TDP1: variants seen among roughly 807,000 people sequenced by gnomAD.
TDP1 encodes tyrosyl-DNA phosphodiesterase 1, also known as tyr-DNA phosphodiesterase 1.
A neutral mutation model predicts 81.5 loss-of-function variants in TDP1; 64 were observed. The observed-to-expected ratio is 0.79, with a 90% CI of 0.64 to 0.97. TDP1 has a LOEUF of 0.97. TDP1 is among the 50% of genes least tolerant of loss of function. The pLI is 0.00. For missense variants in TDP1, 723 were observed against 743.8 expected (o/e 0.97, Z 0.33); for synonymous variants, 256 against 264.3 (o/e 0.97, Z 0.30).
rs962338975 is a variant in TDP1 at position 89,993,392 on chromosome 14, A to T, written c.1450A>T (p.Thr484Ser). Residue 484 changes from threonine to serine, a missense_variant, in exon 14 of 17, where the codon ACT (threonine) becomes TCT (serine). Transcript: ENST00000335725. Reference sequence around the variant, plus strand: ...TGTCACTAGCAAATGGTCAGCTGAGACTTCTGGCCGCAGCAATGCCATGCC... The same window carrying T: ...TGTCACTAGCAAATGGTCAGCTGAGTCTTCTGGCCGCAGCAATGCCATGCC... ...HSYFHKWSAE[T>S]SGRSNAMPHI... 6.2e-7 allele frequency: 1 copy of T among 1,613,500 alleles called. No individual in the cohort carries two copies. Among genetic ancestry groups the T allele is most frequent in the African/African-American group, 1.3e-5 (1 of 74,888 alleles).
At chr14:90,000,034 C>CTTGGGA (rs1897054813) in intron 14 of TDP1, among the ~76,000 whole-genome samples, 1 of 152,298 alleles carries the variant, frequency 6.6e-6, no homozygotes, top group East Asian at 1.9e-4. Flanking sequence ...GTCAACCCAG[C>CTTGGGA]TGTGCTCTCA....
At chr14:89,991,780 A>G in intron 12 of TDP1, 137 bp from the exon 13 acceptor site, 2 of 1,212,138 alleles carry the variant, frequency 1.6e-6, no homozygotes, top group Non-Finnish European at 2.2e-6. Context: ...TCTTTCAAAT[A>G]ACTATTCTAT....
At chr14:90,022,080 C>A (rs1197261382) in intron 15 of TDP1, among the ~76,000 whole-genome samples, 1 of 152,184 alleles carries the variant, frequency 6.6e-6, no homozygotes, top group African/African-American at 2.4e-5. Context: ...TTTACCCTTC[C>A]CCTCCCAGGG....
intron 15 of TDP1, among the ~76,000 whole-genome samples, chr14:90,021,669 T>C (rs1030270274): frequency 7.2e-5 from 11 of 152,238 alleles, no homozygotes; most frequent in African/African-American, 2.4e-4. Context: ...AGGGGGGCTC[T>C]TCTATATTTT....
intron 14 of TDP1, among the ~76,000 whole-genome samples, chr14:90,016,472 A>G (rs1016377549): frequency 6.6e-6 from 1 of 152,128 alleles, no homozygotes; most frequent in Non-Finnish European, 1.5e-5. Flanking sequence ...TTTTTCTGTG[A>G]TGAAGGCCCT....
chr14:89,965,494 G>T (rs1180725006), intron 3 of TDP1, among the ~76,000 whole-genome samples: 1 of 152,164 alleles, frequency 6.6e-6, no homozygotes, highest in Non-Finnish European at 1.5e-5. Flanking sequence ...CATCTAACAG[G>T]TCTCCACAGA....
At chr14:89,977,330 C>T (rs970242702) in intron 7 of TDP1, among the ~76,000 whole-genome samples, 10 of 152,110 alleles carry the variant, frequency 6.6e-5, no homozygotes, top group African/African-American at 1.9e-4. Context: ...GACAGTCTCG[C>T]TCTGTTGCCC....
chr14:90,020,297 G>C (rs573605046), intron 15 of TDP1, among the ~76,000 whole-genome samples: 10 of 149,188 alleles, frequency 6.7e-5, no homozygotes, highest in South Asian at 4.2e-4. Flanking sequence ...CACACACACA[G>C]AATACAGAAT....
At chr14:90,003,785 A>G (rs989944300) in intron 14 of TDP1, among the ~76,000 whole-genome samples, 14 of 152,218 alleles carry the variant, frequency 9.2e-5, no homozygotes, top group Admixed American at 7.8e-4. Flanking sequence ...AAACGAGACA[A>G]GTGCTTGACT....
chr14:90,013,008 C>T (rs1436872651), intron 14 of TDP1, among the ~76,000 whole-genome samples: 1 of 152,100 alleles, frequency 6.6e-6, no homozygotes, highest in Non-Finnish European at 1.5e-5. Context: ...GCCTGTAGCC[C>T]CTTTGTTTTG....
chr14:90,038,012 G>T (rs34274169), intron 16 of TDP1, among the ~76,000 whole-genome samples: 1 of 151,918 alleles, frequency 6.6e-6, no homozygotes, highest in Non-Finnish European at 1.5e-5. Flanking sequence ...AATTAGACCC[G>T]GGTTATGTAC....
At chr14:90,021,030 G>A (rs961947124) in intron 15 of TDP1, among the ~76,000 whole-genome samples, 4 of 151,872 alleles carry the variant, frequency 2.6e-5, no homozygotes, top group Admixed American at 1.3e-4. Context: ...GGCCTCAAGC[G>A]ATCTGCCTGC....
chr14:89,989,179 GT>G lies in TDP1; in HGVS notation c.1317+93del. On this transcript the variant is annotated intron_variant, in intron 11 of 16. Transcript: ENST00000335725. ...TTGGTCCTCTTTGTAATGGAGAGATGTTTTATTCTGTGATTCTTTTTTTTTT... is the reference window on the plus strand; with the variant it reads ...TTGGTCCTCTTTGTAATGGAGAGATGTTTATTCTGTGATTCTTTTTTTTTT... 3.9e-6 allele frequency: 3 copies of G among 778,240 alleles called. No homozygotes were observed. The East Asian group carries it at 1.6e-4, about 42-fold the overall frequency. The allele number at this position is 778,240 out of a possible 1,614,324, so 48.2% of individuals were successfully genotyped here.
chr14:90,003,511 G>C (rs1897363167), intron 14 of TDP1, among the ~76,000 whole-genome samples: 1 of 152,204 alleles, frequency 6.6e-6, no homozygotes, highest in Non-Finnish European at 1.5e-5. Flanking sequence ...ATTGGGACAT[G>C]ATGACAAATG....
chr14:90,015,433 G>T (rs530237264), intron 14 of TDP1, among the ~76,000 whole-genome samples: 1 of 152,204 alleles, frequency 6.6e-6, no homozygotes. Flanking sequence ...CTGTGGCAGG[G>T]TATTCTGCCA....
upstream of TDP1, chr14:89,955,441 G>T (rs1361752446): frequency 6.6e-6 from 1 of 152,230 alleles, no homozygotes; most frequent in African/African-American, 2.4e-5. Flanking sequence ...TTTCTCAGAA[G>T]ATTTTACGAG....
intron 6 of TDP1, among the ~76,000 whole-genome samples, chr14:89,975,200 T>C (rs8015277): frequency 0.1 from 15,349 of 152,076 alleles, 2,033 homozygotes; most frequent in African/African-American, 0.31. Flanking sequence ...CTCAGCCTCC[T>C]AAGTAGCTGG....
At chr14:90,022,698 T>C (rs1178307431) in intron 15 of TDP1, 1 of 967,650 alleles carries the variant, frequency 1.0e-6, no homozygotes, top group Admixed American at 6.2e-5. Flanking sequence ...TTAAAGTGCT[T>C]ATATCACAAC....
At chr14:89,998,379 TA>T (rs1469090989) in intron 14 of TDP1, among the ~76,000 whole-genome samples, 1 of 8,460 alleles carries the variant, frequency 1.2e-4, no homozygotes, top group Non-Finnish European at 3.2e-4. Flanking sequence ...ACATTATATA[TA>T]TATATATATA....
Sources: allele counts gnomAD v4.1 joint callset (sites outside exome capture counted in the v4.1 genomes callset), GRCh38; gene constraint gnomAD v4.1.1; transcripts MANE v1.5; gene names NCBI Gene and HGNC (gene_info 2026-07-23, HGNC 2026-07-21).